Variants in DMD observed in about 807,000 individuals in gnomAD.
The protein encoded by DMD is dystrophin, also known as mutant dystrophin.
Under a neutral mutation model 330.1 loss-of-function variants are expected in DMD, and 63 were observed. That is an observed-to-expected ratio of 0.19 (90% CI 0.16 to 0.24). The LOEUF (loss-of-function observed/expected upper bound fraction) is 0.24. DMD is among the 10% of genes least tolerant of loss of function. The probability of loss-of-function intolerance (pLI) is 1.00; values close to 1 mark genes in which losing one functional copy is unlikely to be tolerated. For synonymous variants in DMD, 1,223 were observed against 959.8 expected, an observed-to-expected ratio of 1.27 and a Z score of -5.07; for missense variants, 3,344 against 2,684.1, an observed-to-expected ratio of 1.25 and a Z score of -5.43.
At chrX:32,290,913 T>C (rs1282214541) in intron 42 of DMD, among the ~76,000 whole-genome samples, 2 of 111,905 alleles carry the variant, frequency 1.8e-5, no homozygotes, top group Non-Finnish European at 3.8e-5. Context: ...AGAGAAAACA[T>C]GTATCATATA....
At chrX:32,836,904 C>G (rs947910772) in intron 4 of DMD, among the ~76,000 whole-genome samples, 1 of 111,550 alleles carries the variant, frequency 9.0e-6, no homozygotes, top group African/African-American at 3.3e-5. Context: ...TTACTATTTT[C>G]CTAAGCCTTT....
chrX:32,924,087 G>C (rs971233617), intron 2 of DMD, among the ~76,000 whole-genome samples: 33 of 111,666 alleles, frequency 3.0e-4, no homozygotes, highest in Non-Finnish European at 5.5e-4. Flanking sequence ...AGAAGTCCTT[G>C]CTTTCTTTTG....
intron 9 of DMD, among the ~76,000 whole-genome samples, chrX:32,677,132 T>A (rs1247443282): frequency 9.0e-6 from 1 of 111,432 alleles, no homozygotes; most frequent in African/African-American, 3.2e-5. Flanking sequence ...GAAAAGAGTC[T>A]AGTGTAAAAT....
chrX:32,361,821 TG>T (rs1464793295), intron 37 of DMD, among the ~76,000 whole-genome samples: 11 of 111,606 alleles, frequency 9.9e-5, no homozygotes, highest in African/African-American at 3.2e-4. Flanking sequence ...AATACTCCAA[TG>T]TTTTTTTCAT....
intron 50 of DMD, among the ~76,000 whole-genome samples, chrX:31,788,280 T>C (rs940623545): frequency 8.9e-6 from 1 of 112,073 alleles, no homozygotes; most frequent in Admixed American, 9.5e-5. Context: ...TGAAGCTGTA[T>C]TATTACAGTT....
At chrX:32,263,288 C>T (rs2097331071) in intron 43 of DMD, among the ~76,000 whole-genome samples, 1 of 111,897 alleles carries the variant, frequency 8.9e-6, no homozygotes, top group Non-Finnish European at 1.9e-5. Flanking sequence ...GGAGATATGG[C>T]TGATTGCATA....
chrX:31,410,567 A>G (rs1410168967), intron 60 of DMD, among the ~76,000 whole-genome samples: 2 of 110,780 alleles, frequency 1.8e-5, no homozygotes, highest in Admixed American at 1.9e-4. Flanking sequence ...TCTATGTACA[A>G]TTTGGCCTCC....
chrX:32,449,380 C>T lies in DMD; in HGVS notation c.3604-742G>A, dbSNP rs377607315. ...CATCAACATTACCCAAACCACAAAA[C>T]GCCCAACACTCTCCTATCCTGGTTA... On this transcript the variant is annotated intron_variant, in intron 26 of 78. Coordinates refer to ENST00000357033, the MANE Select transcript of DMD (RefSeq NM_004006.3). Among the ~76,000 whole-genome samples, 108 of 110,038 alleles carry T rather than the reference C, an allele frequency of 9.8e-4. 3 individuals carry two copies. In the South Asian group the frequency reaches 0.038, roughly 39 times the overall value.
chrX:33,040,346 G>T (rs1242805617), intron 1 of DMD, among the ~76,000 whole-genome samples: 1 of 110,807 alleles, frequency 9.0e-6, no homozygotes. Flanking sequence ...TGTTCAGAGG[G>T]GTTGGGGAAG....
At chrX:32,113,572 A>G (rs1239825810) in intron 44 of DMD, among the ~76,000 whole-genome samples, 4 of 111,855 alleles carry the variant, frequency 3.6e-5, no homozygotes, top group Admixed American at 1.9e-4. Flanking sequence ...TCCATGCCCT[A>G]TTTCCAGGCA....
intron 32 of DMD, among the ~76,000 whole-genome samples, chrX:32,388,137 T>C (rs190061105): frequency 3.0e-4 from 33 of 111,216 alleles, no homozygotes; most frequent in East Asian, 2.0e-3. Flanking sequence ...CAGAAACCAA[T>C]TGAGCAAATG....
At chrX:32,271,164 A>G (rs924807064) in intron 43 of DMD, among the ~76,000 whole-genome samples, 3 of 112,028 alleles carry the variant, frequency 2.7e-5, no homozygotes, top group Non-Finnish European at 3.8e-5. Flanking sequence ...AATTTTGAAT[A>G]TTACAGAAAG....
chrX:32,226,678 T>C (rs2097148809), intron 43 of DMD, among the ~76,000 whole-genome samples: 1 of 111,569 alleles, frequency 9.0e-6, no homozygotes, highest in Admixed American at 9.6e-5. Context: ...TACACTATTT[T>C]ACCTCTGAGT....
At chrX:32,178,830 GGTGTGTGT>G (rs60773717) in intron 44 of DMD, among the ~76,000 whole-genome samples, 17 of 99,156 alleles carry the variant, frequency 1.7e-4, no homozygotes, top group South Asian at 5.0e-4. Flanking sequence ...TATTCCAGGG[GGTGTGTGT>G]GTGTGTGTGT....
At chrX:31,541,858 T>C (rs2073850287) in intron 55 of DMD, among the ~76,000 whole-genome samples, 2 of 111,533 alleles carry the variant, frequency 1.8e-5, no homozygotes, top group Admixed American at 1.9e-4. Context: ...TGAGATGGGA[T>C]GCAATTGAAA....
chrX:31,535,801 G>T (rs2073349586), intron 55 of DMD, among the ~76,000 whole-genome samples: 1 of 111,750 alleles, frequency 8.9e-6, no homozygotes, highest in East Asian at 2.8e-4. Context: ...TGAGGGAGAT[G>T]CAGTGATGAA....
At chrX:31,418,102 T>C (rs1413407271) in intron 60 of DMD, among the ~76,000 whole-genome samples, 1 of 110,698 alleles carries the variant, frequency 9.0e-6, no homozygotes, top group African/African-American at 3.3e-5. Context: ...TTTTAGTCCG[T>C]TGGAATGCTA....
intron 37 of DMD, among the ~76,000 whole-genome samples, chrX:32,353,518 T>A (rs779564526): frequency 1.2e-3 from 129 of 111,405 alleles, no homozygotes; most frequent in Non-Finnish European, 1.9e-3. Flanking sequence ...TTACTTCTAT[T>A]GACTTTAAAG....
At chrX:32,540,561 T>C (rs776873376) in intron 17 of DMD, among the ~76,000 whole-genome samples, 8 of 111,437 alleles carry the variant, frequency 7.2e-5, no homozygotes, top group Non-Finnish European at 1.5e-4. Flanking sequence ...TTAAATGATA[T>C]TGAAATGTCA....
Sources: allele counts gnomAD v4.1 joint callset (sites outside exome capture counted in the v4.1 genomes callset), GRCh38; gene constraint gnomAD v4.1.1; transcripts MANE v1.5; gene names NCBI Gene and HGNC (gene_info 2026-07-23, HGNC 2026-07-21).